Variants in NHSL3 observed in about 807,000 individuals in gnomAD.
NHSL3 encodes the protein NHS like 3.
chr1:32,753,995 C>T, the NHSL3 span: 1 of 409,706 alleles, frequency 2.4e-6, no homozygotes, highest in Non-Finnish European at 4.4e-6. Flanking sequence ...CGGTGCCCGC[C>T]CGCGAGTCTC....
At chr1:32,772,210 C>T in the NHSL3 span, 4 of 1,610,102 alleles carry the variant, frequency 2.5e-6, no homozygotes, top group Non-Finnish European at 3.4e-6. Context: ...AGAGCAGCGG[C>T]CACCCCAGGC....
At chr1:32,771,066 C>T in the NHSL3 span, 1 of 1,613,792 alleles carries the variant, frequency 6.2e-7, no homozygotes, top group Non-Finnish European at 8.5e-7. Flanking sequence ...TCTCCTCTTC[C>T]CTCACGTCTT....
At chr1:32,767,720 T>TGG in the NHSL3 span, 1 of 1,416,190 alleles carries the variant, frequency 7.1e-7, no homozygotes, top group Non-Finnish European at 9.6e-7. Context: ...GCCCTTGCCG[T>TGG]GAGACCTGTG....
At chr1:32,765,382 T>A in the NHSL3 span, among the ~76,000 whole-genome samples, 1 of 152,204 alleles carries the variant, frequency 6.6e-6, no homozygotes, top group Non-Finnish European at 1.5e-5. Context: ...TGGTAGCCCC[T>A]CCACCTACCA....
At chr1:32,761,306 G>A in the NHSL3 span, among the ~76,000 whole-genome samples, 1 of 152,172 alleles carries the variant, frequency 6.6e-6, no homozygotes, top group African/African-American at 2.4e-5. Flanking sequence ...CGAGCCACAG[G>A]TGTATAGATC....
chr1:32,752,798 C>G, the NHSL3 span, among the ~76,000 whole-genome samples: 1 of 148,248 alleles, frequency 6.7e-6, no homozygotes, highest in African/African-American at 2.5e-5. Context: ...AGGCTAGTCT[C>G]GAACTCCTGA....
the NHSL3 span, chr1:32,771,048 G>T: frequency 3.1e-6 from 5 of 1,613,400 alleles, no homozygotes; most frequent in Non-Finnish European, 4.2e-6. Flanking sequence ...GCTCCCCTGG[G>T]GCCTCCGTCT....
At chr1:32,759,077 C>T in the NHSL3 span, among the ~76,000 whole-genome samples, 3 of 152,178 alleles carry the variant, frequency 2.0e-5, no homozygotes, top group Admixed American at 2.0e-4. Context: ...GATTTTGCAG[C>T]CAGTCAGAGT....
chr1:32,761,394 T>C, the NHSL3 span, among the ~76,000 whole-genome samples: 1 of 152,138 alleles, frequency 6.6e-6, no homozygotes, highest in Non-Finnish European at 1.5e-5. Context: ...CCAGATGTTA[T>C]CAAGTGTAAG....
the NHSL3 span, chr1:32,771,782 G>A: frequency 3.7e-6 from 6 of 1,613,486 alleles, no homozygotes; most frequent in Non-Finnish European, 5.1e-6. Flanking sequence ...AAGGGTGGTG[G>A]GCCTCCCAGG....
At chr1:32,755,701 T>C in the NHSL3 span, among the ~76,000 whole-genome samples, 1 of 152,274 alleles carries the variant, frequency 6.6e-6, no homozygotes, top group Non-Finnish European at 1.5e-5. Flanking sequence ...GAGGTAGTAA[T>C]ATAATCAAAA....
chr1:32,753,857 C>T, the NHSL3 span, among the ~76,000 whole-genome samples: 1 of 152,190 alleles, frequency 6.6e-6, no homozygotes, highest in Non-Finnish European at 1.5e-5. Context: ...AGCCGGTCTC[C>T]CAGGTCCCGG....
chr1:32,772,383 G>A, the NHSL3 span: 1 of 1,569,940 alleles, frequency 6.4e-7, no homozygotes, highest in East Asian at 2.2e-5. Context: ...AGCTGGCGGA[G>A]AATGGAGGTG....
the NHSL3 span, among the ~76,000 whole-genome samples, chr1:32,743,536 C>T: frequency 6.6e-6 from 1 of 152,178 alleles, no homozygotes; most frequent in Admixed American, 6.5e-5. Context: ...CAGGGCTGCC[C>T]CACTGGGATT....
chr1:32,771,622 C>CCGGCTGCTTCGTCCTCCTCAG, the NHSL3 span: 1 of 1,613,170 alleles, frequency 6.2e-7, no homozygotes, highest in Non-Finnish European at 8.5e-7. Flanking sequence ...TGTCAGCTCC[C>CCGGCTGCTTCGTCCTCCTCAG]CGGCTGCTTC....
chr1:32,749,498 A>G, the NHSL3 span, among the ~76,000 whole-genome samples: 1 of 152,074 alleles, frequency 6.6e-6, no homozygotes, highest in Non-Finnish European at 1.5e-5. Context: ...CTCATGGTAC[A>G]TACAGATGGG....
chr1:32,772,058 C>G, the NHSL3 span: 102 of 1,610,322 alleles, frequency 6.3e-5, no homozygotes, highest in African/African-American at 1.2e-3. Context: ...GAGGCAGAGC[C>G]ACGGCCTCCC....
At chr1:32,765,578 G>A in the NHSL3 span, 18 of 1,467,826 alleles carry the variant, frequency 1.2e-5, no homozygotes, top group Admixed American at 4.3e-5. Context: ...GCAGATGGGC[G>A]GGATCAGTGG....
the NHSL3 span, among the ~76,000 whole-genome samples, chr1:32,759,628 T>A: frequency 6.6e-6 from 1 of 152,148 alleles, no homozygotes; most frequent in African/African-American, 2.4e-5. Context: ...CTGTCCCTGC[T>A]GGGGTGGGGC....
Sources: gnomAD v4.1 joint callset for allele counts (sites outside exome capture counted in the v4.1 genomes callset) on GRCh38, gnomAD v4.1.1 for gene constraint, MANE v1.5 for transcripts, NCBI Gene and HGNC (gene_info 2026-07-23, HGNC 2026-07-21) for gene names.